Variants in CHCHD6 observed in about 807,000 individuals in gnomAD.
CHCHD6 encodes the protein MICOS complex subunit MIC25.
CHCHD6 carries 28 observed loss-of-function variants against 32.3 expected under a neutral mutation model. The ratio of observed to expected loss-of-function variants is 0.87; its 90% CI spans 0.64 to 1.19. CHCHD6 has a LOEUF of 1.19. CHCHD6 is among the 50% of genes most tolerant of loss of function. The probability of loss-of-function intolerance (pLI) is 0.00; values close to 1 mark genes in which losing one functional copy is unlikely to be tolerated. For missense variants in CHCHD6, 333 were observed against 307.0 expected (o/e 1.08, Z -0.63); for synonymous variants, 122 against 117.5 (o/e 1.04, Z -0.25).
At chr3:126,865,358 CCCACCA>C (rs566568983) in intron 5 of CHCHD6, among the ~76,000 whole-genome samples, 1 of 150,686 alleles carries the variant, frequency 6.6e-6, no homozygotes, top group Non-Finnish European at 1.5e-5. Context: ...CCCTTCTGCC[CCCACCA>C]CCACCACCAC....
In CHCHD6 at chr3:126,960,221, G is replaced by A; in HGVS notation, c.*20G>A. The A allele has an allele frequency of 6.4e-7, 1 of 1,551,400 alleles. No homozygotes were observed. The highest frequency in any genetic ancestry group is 2.0e-5 in the Admixed American group (1 of 50,992). ...GGCTGAGGAGCAGACATCATTCCCT[G>A]CCCTGGCAGTGACTTGGAGCCCTGA... On this transcript the variant is annotated 3_prime_UTR_variant, in exon 8 of 8. Coordinates refer to ENST00000290913, the MANE Select transcript of CHCHD6 (RefSeq NM_032343.3).
At chr3:126,729,514 C>T (rs566305472) in intron 2 of CHCHD6, among the ~76,000 whole-genome samples, 18 of 152,232 alleles carry the variant, frequency 1.2e-4, no homozygotes, top group African/African-American at 3.9e-4. Context: ...GACATTAAAC[C>T]TCAGTAAAGC....
intron 5 of CHCHD6, among the ~76,000 whole-genome samples, chr3:126,913,417 T>C (rs2078124621): frequency 6.6e-6 from 1 of 151,498 alleles, no homozygotes; most frequent in African/African-American, 2.4e-5. Flanking sequence ...GTATTTTTAG[T>C]AGAGATGGGG....
chr3:126,811,905 T>C (rs1298434833), intron 4 of CHCHD6, among the ~76,000 whole-genome samples: 2 of 152,216 alleles, frequency 1.3e-5, no homozygotes. Context: ...AAGATTAATC[T>C]GCCAAAATTT....
intron 1 of CHCHD6, among the ~76,000 whole-genome samples, chr3:126,705,519 G>A (rs932091953): frequency 6.6e-6 from 1 of 152,352 alleles, no homozygotes; most frequent in African/African-American, 2.4e-5. Flanking sequence ...CCAAGATCAT[G>A]TAAATAGTAA....
At chr3:126,902,745 T>C (rs1576579504) in intron 5 of CHCHD6, among the ~76,000 whole-genome samples, 1 of 148,426 alleles carries the variant, frequency 6.7e-6, no homozygotes, top group African/African-American at 2.5e-5. Flanking sequence ...ATCAATGTAG[T>C]GCTCGGAGAC....
intron 6 of CHCHD6, among the ~76,000 whole-genome samples, chr3:126,921,776 A>G (rs2078251706): frequency 6.6e-6 from 1 of 152,210 alleles, no homozygotes; most frequent in Non-Finnish European, 1.5e-5. Flanking sequence ...CACTTGGAAG[A>G]CAGGACTTAG....
At chr3:126,780,246 AAGTT>A (rs1265984189) in intron 4 of CHCHD6, 1 of 338,286 alleles carries the variant, frequency 3.0e-6, no homozygotes, top group African/African-American at 2.2e-5. Context: ...TGGATAATGA[AAGTT>A]AGGGAAACAC....
intron 4 of CHCHD6, among the ~76,000 whole-genome samples, chr3:126,798,938 C>T (rs181957426): frequency 6.6e-6 from 1 of 152,114 alleles, no homozygotes; most frequent in Non-Finnish European, 1.5e-5. Context: ...TTCTTTCTTC[C>T]CCAGGTTAAC....
chr3:126,823,858 C>T (rs1386641238), intron 4 of CHCHD6, among the ~76,000 whole-genome samples: 1 of 151,222 alleles, frequency 6.6e-6, no homozygotes, highest in East Asian at 1.9e-4. Context: ...ACCAGTTGGG[C>T]AACATAGCAA....
chr3:126,844,853 G>A (rs1043684382), intron 4 of CHCHD6, among the ~76,000 whole-genome samples: 4 of 152,138 alleles, frequency 2.6e-5, no homozygotes, highest in African/African-American at 7.2e-5. Flanking sequence ...GGGAAGGCAG[G>A]AGAGACAGAA....
chr3:126,735,401 A>G (rs969760271), intron 4 of CHCHD6, among the ~76,000 whole-genome samples: 3 of 152,244 alleles, frequency 2.0e-5, no homozygotes, highest in South Asian at 4.1e-4. Flanking sequence ...GAATAGTGAC[A>G]TAAGTTACTT....
chr3:126,906,264 G>A lies in CHCHD6; in HGVS notation c.496-8416G>A, dbSNP rs186219249. Among the ~76,000 whole-genome samples the A allele has an allele frequency of 3.4e-3, 524 of 152,330 alleles. 2 individuals carry two copies. The highest frequency in any genetic ancestry group is 5.5e-3 in the Non-Finnish European group (376 of 68,028). On this transcript the variant is annotated intron_variant, in intron 5 of 7. Transcript: ENST00000290913. The stretch of plus-strand genomic sequence containing the variant: ...GGGAATGACCCACCCATCTCTCTGG[G>A]CCACTGCAGCATCCTCCAGGCCTCC...
chr3:126,854,547 G>C (rs910672548), intron 5 of CHCHD6, among the ~76,000 whole-genome samples: 4 of 152,164 alleles, frequency 2.6e-5, no homozygotes, highest in Admixed American at 6.5e-5. Context: ...TGGGAAGATG[G>C]AAAACACAGC....
At chr3:126,739,931 G>A (rs1001085613) in intron 4 of CHCHD6, among the ~76,000 whole-genome samples, 1 of 152,152 alleles carries the variant, frequency 6.6e-6, no homozygotes, top group African/African-American at 2.4e-5. Flanking sequence ...ATTGGTGCTG[G>A]TCATCATATG....
At chr3:126,772,294 G>A (rs1043686563) in intron 4 of CHCHD6, among the ~76,000 whole-genome samples, 8 of 152,064 alleles carry the variant, frequency 5.3e-5, no homozygotes, top group Admixed American at 2.0e-4. Context: ...GTAGAGGCAG[G>A]GTTTCACCAT....
chr3:126,758,823 G>A (rs753034412), intron 4 of CHCHD6, among the ~76,000 whole-genome samples: 2 of 152,172 alleles, frequency 1.3e-5, no homozygotes, highest in Non-Finnish European at 2.9e-5. Context: ...CCTCCAGAAT[G>A]TGTTCTTTTA....
At chr3:126,756,482 A>G (rs1013798997) in intron 4 of CHCHD6, among the ~76,000 whole-genome samples, 4 of 152,180 alleles carry the variant, frequency 2.6e-5, no homozygotes, top group African/African-American at 9.7e-5. Context: ...ATATGCTGTA[A>G]GGCAGGGGGG....
chr3:126,811,546 G>T (rs1304441526), intron 4 of CHCHD6, among the ~76,000 whole-genome samples: 1 of 151,720 alleles, frequency 6.6e-6, no homozygotes, highest in Non-Finnish European at 1.5e-5. Flanking sequence ...TTTGAGTGTG[G>T]CCACTTTTCC....
Sources: allele counts gnomAD v4.1 joint callset (sites outside exome capture counted in the v4.1 genomes callset), GRCh38; gene constraint gnomAD v4.1.1; transcripts MANE v1.5; gene names NCBI Gene and HGNC (gene_info 2026-07-23, HGNC 2026-07-21).